Variants in DLGAP2 observed in about 807,000 individuals in gnomAD.
DLGAP2 encodes disks large-associated protein 2.
DLGAP2 carries 26 observed loss-of-function variants against 100.3 expected under a neutral mutation model. That is an observed-to-expected ratio of 0.26 (90% CI 0.19 to 0.36). The LOEUF (loss-of-function observed/expected upper bound fraction) is 0.36, where lower values mean the gene tolerates loss of function less well. DLGAP2 is among the 10% of genes least tolerant of loss of function. The pLI is 1.00. For missense variants in DLGAP2, 1,858 were observed against 1,453.2 expected (o/e 1.28, Z -4.53); for synonymous variants, 886 against 630.1 (o/e 1.41, Z -6.08).
At chr8:1,470,761 T>TTTCCCGACCCCC (rs1798760449) in intron 3 of DLGAP2, among the ~76,000 whole-genome samples, 7 of 20,388 alleles carry the variant, frequency 3.4e-4, no homozygotes, top group South Asian at 1.2e-3. Flanking sequence ...CCCCGACTCC[T>TTTCCCGACCCCC]CCAGCCTTTC....
At chr8:904,895 G>A (rs1037262706) in intron 1 of DLGAP2, among the ~76,000 whole-genome samples, 3 of 152,222 alleles carry the variant, frequency 2.0e-5, no homozygotes, top group Non-Finnish European at 2.9e-5. Flanking sequence ...GCGGCCTTCT[G>A]TAAATCCTTC....
intron 6 of DLGAP2, among the ~76,000 whole-genome samples, chr8:1,613,663 A>G (rs1043818668): frequency 5.3e-5 from 8 of 152,182 alleles, no homozygotes; most frequent in Non-Finnish European, 5.9e-5. Flanking sequence ...TATTTGATAG[A>G]TGAGTAACTC....
chr8:1,236,409 C>A (rs1239518626), intron 2 of DLGAP2, among the ~76,000 whole-genome samples: 1 of 15,822 alleles, frequency 6.3e-5, no homozygotes, highest in Non-Finnish European at 1.5e-4. Flanking sequence ...CTAGTTCTCT[C>A]ACATGGCGCC....
chr8:1,605,097 G>A lies in DLGAP2; in HGVS notation c.1443-21643G>A, dbSNP rs151265286. 5.3e-3 allele frequency among the ~76,000 whole-genome samples: 805 copies of A among 152,286 alleles called. 4 individuals are homozygous for A. Among genetic ancestry groups the A allele is most frequent in the Admixed American group, 0.013 (194 of 15,294 alleles). Reference sequence around the variant, plus strand: ...GCCATCGGCTCACCTGACCTCATCGGCCCCTGAGGATGCAGGCCAGGCACC... The same window carrying A: ...GCCATCGGCTCACCTGACCTCATCGACCCCTGAGGATGCAGGCCAGGCACC... On this transcript the variant is annotated intron_variant, in intron 6 of 14. Coordinates refer to ENST00000637795, the MANE Select transcript of DLGAP2 (RefSeq NM_001346810.2).
chr8:1,492,835 T>G (rs1039075401), intron 3 of DLGAP2, among the ~76,000 whole-genome samples: 5 of 150,100 alleles, frequency 3.3e-5, no homozygotes, highest in African/African-American at 1.2e-4. Flanking sequence ...CACGGAGAGC[T>G]GCGGGACAGT....
intron 7 of DLGAP2, among the ~76,000 whole-genome samples, chr8:1,628,142 C>G (rs1026033969): frequency 1.9e-5 from 2 of 106,850 alleles, no homozygotes; most frequent in Non-Finnish European, 3.6e-5. Context: ...TACTGTGGAG[C>G]AGGAATTAAG....
At chr8:1,245,764 A>C (rs1211573118) in intron 2 of DLGAP2, among the ~76,000 whole-genome samples, 2 of 152,160 alleles carry the variant, frequency 1.3e-5, no homozygotes, top group African/African-American at 2.4e-5. Context: ...GGAATAAATC[A>C]CTTTTAAAAA....
intron 1 of DLGAP2, among the ~76,000 whole-genome samples, chr8:897,353 C>T (rs187686274): frequency 2.9e-4 from 44 of 152,208 alleles, no homozygotes; most frequent in Admixed American, 2.5e-3. Flanking sequence ...ACGATTGTGC[C>T]GATGTATCTG....
chr8:853,682 C>G (rs1037215713), intron 1 of DLGAP2, among the ~76,000 whole-genome samples: 47 of 152,216 alleles, frequency 3.1e-4, no homozygotes, highest in African/African-American at 1.1e-3. Flanking sequence ...GCCACACCGC[C>G]CCGTGCACAG....
At chr8:1,052,338 G>T (rs1305872270) in intron 2 of DLGAP2, among the ~76,000 whole-genome samples, 1 of 152,216 alleles carries the variant, frequency 6.6e-6, no homozygotes, top group African/African-American at 2.4e-5. Flanking sequence ...ATGCCATGGG[G>T]TATTTAAAGC....
intron 2 of DLGAP2, among the ~76,000 whole-genome samples, chr8:1,134,067 G>C (rs781203794): frequency 6.6e-6 from 1 of 150,686 alleles, no homozygotes; most frequent in Non-Finnish European, 1.5e-5. Context: ...TCATCATTTA[G>C]CTCCCACTTA....
chr8:837,837 C>T (rs533700980), intron 1 of DLGAP2, among the ~76,000 whole-genome samples: 31 of 150,548 alleles, frequency 2.1e-4, no homozygotes, highest in South Asian at 1.0e-3. Context: ...CTGCCTCATC[C>T]TCCTGAGTAG....
At chr8:1,324,815 G>A (rs1335487339) in intron 3 of DLGAP2, among the ~76,000 whole-genome samples, 2 of 152,290 alleles carry the variant, frequency 1.3e-5, no homozygotes, top group Non-Finnish European at 2.9e-5. Context: ...CATCTAAAAT[G>A]AAACTCATCT....
At chr8:1,476,641 C>A (rs1050212631) in intron 3 of DLGAP2, among the ~76,000 whole-genome samples, 1 of 152,188 alleles carries the variant, frequency 6.6e-6, no homozygotes, top group African/African-American at 2.4e-5. Flanking sequence ...TGGAGCCGGA[C>A]CCACCCGTGA....
intron 1 of DLGAP2, among the ~76,000 whole-genome samples, chr8:780,861 A>G (rs966420204): frequency 1.2e-4 from 18 of 152,310 alleles, no homozygotes; most frequent in Non-Finnish European, 2.5e-4. Flanking sequence ...TCCTTTTCCA[A>G]GGATCCAAAG....
chr8:1,106,937 T>A (rs1292307830), intron 2 of DLGAP2, among the ~76,000 whole-genome samples: 1 of 152,154 alleles, frequency 6.6e-6, no homozygotes, highest in African/African-American at 2.4e-5. Flanking sequence ...CAGGATTGCT[T>A]CAACATCTCA....
At chr8:1,420,666 C>T (rs113424760) in intron 3 of DLGAP2, among the ~76,000 whole-genome samples, 3 of 152,162 alleles carry the variant, frequency 2.0e-5, no homozygotes, top group Non-Finnish European at 4.4e-5. Context: ...CGACTGCATT[C>T]CCTCTCGCCA....
At chr8:1,476,687 A>T (rs992883085) in intron 3 of DLGAP2, among the ~76,000 whole-genome samples, 22 of 138,916 alleles carry the variant, frequency 1.6e-4, no homozygotes, top group African/African-American at 6.0e-4. Context: ...CCAGCCCGTT[A>T]TGCAGACCCA....
intron 2 of DLGAP2, among the ~76,000 whole-genome samples, chr8:1,173,556 G>A (rs1797179283): frequency 6.6e-6 from 1 of 152,216 alleles, no homozygotes; most frequent in South Asian, 2.1e-4. Flanking sequence ...CTTCCCGGTT[G>A]CTTTGTTTAC....
Sources: allele counts gnomAD v4.1 joint callset (sites outside exome capture counted in the v4.1 genomes callset), GRCh38; gene constraint gnomAD v4.1.1; transcripts MANE v1.5; gene names NCBI Gene and HGNC (gene_info 2026-07-23, HGNC 2026-07-21).